The following DCLRE1C variants were observed in gnomAD, a reference collection of about 807,000 sequenced individuals.
The protein encoded by DCLRE1C is protein artemis.
In DCLRE1C, 47 loss-of-function variants were observed where a neutral mutation model predicts 61.4. The ratio of observed to expected loss-of-function variants is 0.77; its 90% CI spans 0.61 to 0.98. The LOEUF (loss-of-function observed/expected upper bound fraction) is 0.98, where lower values mean the gene tolerates loss of function less well. Among genes scored for constraint, DCLRE1C ranks in the 50% least tolerant of loss-of-function variants. The pLI, the probability that DCLRE1C is intolerant of heterozygous loss-of-function variation, is 0.00. For missense variants in DCLRE1C, 858 were observed against 816.0 expected (o/e 1.05, Z -0.63); for synonymous variants, 337 against 287.6 (o/e 1.17, Z -1.74).
Position 14,953,726 on chromosome 10 carries a change from C to T in DCLRE1C, c.109+176G>A, listed in dbSNP as rs3814176. Among the ~76,000 whole-genome samples, 97,558 of 151,936 alleles carry T rather than the reference C, an allele frequency of 0.64. 31,642 individuals carry two copies. The highest frequency in any genetic ancestry group is 0.68 in the Admixed American group (10,444 of 15,274). ...GCCGTTACGCCGCGTTGACCACATC[C>T]GAAAATAGATGAAGCCTTTGAGAGG... On this transcript the variant is annotated intron_variant, in intron 1 of 13. Transcript: ENST00000378278.
intron 2 of DCLRE1C, among the ~76,000 whole-genome samples, 153 bp downstream of exon 2, chr10:14,948,883 G>A (rs1842066282): frequency 6.6e-6 from 1 of 151,976 alleles, no homozygotes; most frequent in South Asian, 2.1e-4. Flanking sequence ...GAGGTAAGAG[G>A]GGTCTGGGAT....
intron 2 of DCLRE1C, among the ~76,000 whole-genome samples, chr10:14,946,884 C>T (rs1321458290): frequency 6.6e-6 from 1 of 152,070 alleles, no homozygotes; most frequent in Non-Finnish European, 1.5e-5. Context: ...TCCCAAAGGC[C>T]TGGGATTATA....
chr10:14,932,846 A>G lies in DCLRE1C; in HGVS notation c.780+8T>C. 2.5e-6 allele frequency: 4 copies of G among 1,613,966 alleles called. No individual in the cohort carries two copies. The highest frequency in any genetic ancestry group is 3.4e-6 in the Non-Finnish European group (4 of 1,179,842). On this transcript the variant is annotated splice_region_variant and intron_variant, in intron 9 of 13. Transcript: ENST00000378278. ...AAACAATACGAGAGGAATCACTTGCACACGTACCTTGGGATGCCGGCATGC... is the reference window on the plus strand; with the variant it reads ...AAACAATACGAGAGGAATCACTTGCGCACGTACCTTGGGATGCCGGCATGC...
rs1440674758 is a variant in DCLRE1C at position 14,932,845 on chromosome 10, C to T, written c.780+9G>A. ...CAAACAATACGAGAGGAATCACTTG[C>T]ACACGTACCTTGGGATGCCGGCATG... On this transcript the variant is annotated intron_variant, in intron 9 of 13. Coordinates refer to ENST00000378278, the MANE Select transcript of DCLRE1C (RefSeq NM_001033855.3). The T allele has an allele frequency of 1.9e-6, 3 of 1,613,884 alleles. No individual in the cohort carries two copies. The South Asian group carries it at 3.3e-5, about 18-fold the overall frequency.
intron 12 of DCLRE1C, among the ~76,000 whole-genome samples, chr10:14,921,588 T>C (rs1014044987): frequency 1.3e-5 from 2 of 152,212 alleles, no homozygotes; most frequent in African/African-American, 4.8e-5. Context: ...GTCTACTGAA[T>C]TGCTCTCACT....
At chr10:14,935,322 T>C in intron 6 of DCLRE1C, 141 bp downstream of exon 6, 1 of 880,302 alleles carries the variant, frequency 1.1e-6, no homozygotes, top group Admixed American at 2.3e-5. Flanking sequence ...CAAAATTAGC[T>C]GGGCGTGGTG....
intron 11 of DCLRE1C, 150 bp downstream of exon 11, chr10:14,926,693 G>A: frequency 1.5e-6 from 1 of 646,692 alleles, no homozygotes; most frequent in African/African-American, 1.9e-5. Flanking sequence ...TGAATAATGA[G>A]GATGAACTGC....
exon 14 of DCLRE1C, chr10:14,897,492 G>C (rs759774220): frequency 1.0e-5 from 16 of 1,567,332 alleles, no homozygotes; most frequent in African/African-American, 1.4e-5. Context: ...AAAAGAATGA[G>C]TTTTGTCATG....
chr10:14,933,912 C>A (rs1489278021), intron 8 of DCLRE1C, among the ~76,000 whole-genome samples: 1 of 152,122 alleles, frequency 6.6e-6, no homozygotes, highest in African/African-American at 2.4e-5. Flanking sequence ...CTTCAGAGGG[C>A]CCGCGAACCT....
intron 13 of DCLRE1C, among the ~76,000 whole-genome samples, chr10:14,915,936 A>C (rs1404816230): frequency 6.6e-6 from 1 of 152,178 alleles, no homozygotes; most frequent in East Asian, 1.9e-4. Flanking sequence ...AGAGAAATGC[A>C]AGTTTGGTTT....
intron 6 of DCLRE1C, among the ~76,000 whole-genome samples, chr10:14,935,010 G>C (rs1839666395): frequency 6.6e-6 from 1 of 151,624 alleles, no homozygotes; most frequent in Non-Finnish European, 1.5e-5. Context: ...TTTTAGTAGA[G>C]ACGGGGTTTC....
chr10:14,942,603 C>T (rs1283726103), intron 3 of DCLRE1C, among the ~76,000 whole-genome samples: 1 of 152,208 alleles, frequency 6.6e-6, no homozygotes, highest in Admixed American at 6.5e-5. Flanking sequence ...AAACTTCAGT[C>T]ACATCACAGG....
chr10:14,936,420 T>C, intron 5 of DCLRE1C, 118 bp downstream of exon 5: 1 of 773,026 alleles, frequency 1.3e-6, no homozygotes, highest in Admixed American at 2.1e-5. Context: ...AGCACTGGGA[T>C]TACAGACATG....
intron 10 of DCLRE1C, 151 bp downstream of exon 10, chr10:14,927,865 T>A: frequency 2.2e-6 from 1 of 452,530 alleles, no homozygotes. Context: ...GGGAGTAGCA[T>A]CCCCTCCATT....
At position 14,908,165 on chromosome 10, in the gene DCLRE1C, CTTTTTTTTTTT is replaced by C. The variant is rs750020058; in HGVS notation, c.*232_*242del. The C allele has an allele frequency of 1.5e-4, 30 of 197,848 alleles. 1 individual carries two copies. In the East Asian group the frequency reaches 5.0e-3, roughly 33 times the overall value. 12.3% of individuals were successfully genotyped at this position (197,848 alleles called of 1,614,324 possible). A position where few individuals can be genotyped will look rare whatever the true frequency, so the allele number is the denominator to read the frequency against. On this transcript the variant is annotated 3_prime_UTR_variant, in exon 14 of 14. Coordinates refer to ENST00000378278, the MANE Select transcript of DCLRE1C (RefSeq NM_001033855.3). The stretch of plus-strand genomic sequence containing the variant: ...CAGAGTAGCCCACCACCATGCCTGG[CTTTTTTTTTTT>C]TTTTTTTTTTTGTAAGTAGAGACAC...
At chr10:14,909,905 A>G (rs1285153563) in intron 13 of DCLRE1C, among the ~76,000 whole-genome samples, 2 of 152,258 alleles carry the variant, frequency 1.3e-5, no homozygotes. Flanking sequence ...CGTGTCAAGA[A>G]CTTAAAATTC....
At chr10:14,922,022 C>T (rs2130774180) in intron 12 of DCLRE1C, among the ~76,000 whole-genome samples, 1 of 152,332 alleles carries the variant, frequency 6.6e-6, no homozygotes, top group South Asian at 2.1e-4. Flanking sequence ...CCTTCTGCAC[C>T]CATTGAGCTT....
At chr10:14,943,335 G>A (rs568889785) in intron 3 of DCLRE1C, among the ~76,000 whole-genome samples, 1 of 152,136 alleles carries the variant, frequency 6.6e-6, no homozygotes, top group South Asian at 2.1e-4. Flanking sequence ...ACGTCCATAT[G>A]ACCCATGGCT....
At chr10:14,929,207 CCAGTCTGACCAA>C (rs1838549384) in intron 9 of DCLRE1C, among the ~76,000 whole-genome samples, 1 of 152,074 alleles carries the variant, frequency 6.6e-6, no homozygotes, top group African/African-American at 2.4e-5. Flanking sequence ...GAGTCCAAGA[CCAGTCTGACCAA>C]CATGGTGAAA....
Sources: allele counts gnomAD v4.1 joint callset (sites outside exome capture counted in the v4.1 genomes callset), GRCh38; gene constraint gnomAD v4.1.1; transcripts MANE v1.5; gene names NCBI Gene and HGNC (gene_info 2026-07-23, HGNC 2026-07-21).